The following ARHGEF9 variants were observed in gnomAD, a reference collection of about 807,000 sequenced individuals.
ARHGEF9 encodes the protein rho guanine nucleotide exchange factor 9.
Under a neutral mutation model 41.3 loss-of-function variants are expected in ARHGEF9, and 2 were observed. The observed-to-expected ratio is 0.05, with a 90% confidence interval of 0.02 to 0.15. The LOEUF (loss-of-function observed/expected upper bound fraction) is 0.15, where lower values mean the gene tolerates loss of function less well. ARHGEF9 is among the 10% of genes least tolerant of loss of function. The pLI, the probability that ARHGEF9 is intolerant of heterozygous loss-of-function variation, is 1.00. For synonymous variants in ARHGEF9, 160 were observed against 154.4 expected, an observed-to-expected ratio of 1.04 and a Z score of -0.27; for missense variants, 225 against 424.7, an observed-to-expected ratio of 0.53 and a Z score of 4.13.
intron 1 of ARHGEF9, among the ~76,000 whole-genome samples, chrX:63,756,914 C>A (rs1203179680): frequency 1.8e-5 from 2 of 111,783 alleles, no homozygotes; most frequent in African/African-American, 6.5e-5. Context: ...AAAACTGAAA[C>A]CTCTTGTGAA....
At chrX:63,713,267 A>G (rs2053063893) in intron 2 of ARHGEF9, among the ~76,000 whole-genome samples, 1 of 111,101 alleles carries the variant, frequency 9.0e-6, no homozygotes, top group African/African-American at 3.3e-5. Flanking sequence ...TCTCAGAGCT[A>G]TAGAATCAGT....
intron 1 of ARHGEF9, among the ~76,000 whole-genome samples, chrX:63,781,850 A>G (rs2056386820): frequency 1.8e-5 from 2 of 111,960 alleles, no homozygotes; most frequent in South Asian, 3.8e-4. Flanking sequence ...TATCCCAAGG[A>G]CATTGGCCTC....
At chrX:63,693,753 C>T (rs1303187894) in intron 4 of ARHGEF9, among the ~76,000 whole-genome samples, 1 of 110,436 alleles carries the variant, frequency 9.1e-6, no homozygotes, top group Non-Finnish European at 1.9e-5. Flanking sequence ...AGACACTTCA[C>T]CAGTTTTTAT....
Position 63,674,456 on chromosome X carries a change from G to A in ARHGEF9, c.816-289C>T, listed in dbSNP as rs1455579799. Among the ~76,000 whole-genome samples, 3 of 112,380 alleles carry A rather than the reference G, an allele frequency of 2.7e-5. No individual in the cohort carries two copies. In the East Asian group the frequency reaches 8.4e-4, roughly 31 times the overall value. On this transcript the variant is annotated intron_variant, in intron 5 of 9. Transcript: ENST00000671741. ...ATGGCTTTTCAGTCAACAGGGACAG[G>A]TTGATTTTAAATAAACCTGAGAGGA...
chrX:63,649,113 T>C (rs1161881015), intron 8 of ARHGEF9, among the ~76,000 whole-genome samples: 1 of 111,675 alleles, frequency 9.0e-6, no homozygotes, highest in Non-Finnish European at 1.9e-5. Context: ...AATAGACATC[T>C]ACAGAACTCT....
intron 2 of ARHGEF9, among the ~76,000 whole-genome samples, chrX:63,716,855 C>T (rs1184559360): frequency 3.6e-5 from 4 of 112,010 alleles, no homozygotes; most frequent in Non-Finnish European, 7.5e-5. Flanking sequence ...GGAAAGTGAA[C>T]CTCTAGGACC....
At chrX:63,760,106 T>A (rs1409060635) in intron 1 of ARHGEF9, among the ~76,000 whole-genome samples, 7 of 110,035 alleles carry the variant, frequency 6.4e-5, no homozygotes, top group Non-Finnish European at 1.1e-4. Context: ...AAAAAAAAAA[T>A]TCCTGGTTGT....
chrX:63,784,356 G>A (rs1285568110), intron 1 of ARHGEF9, among the ~76,000 whole-genome samples: 22 of 112,478 alleles, frequency 2.0e-4, no homozygotes, highest in African/African-American at 7.1e-4. Context: ...GGTGGAGAAG[G>A]GAACACCATG....
chrX:63,759,595 GA>G (rs2055998045), intron 1 of ARHGEF9, among the ~76,000 whole-genome samples: 1 of 112,080 alleles, frequency 8.9e-6, no homozygotes, highest in South Asian at 3.7e-4. Flanking sequence ...CACTCCATGA[GA>G]GGGTCTGGGA....
Position 63,659,236 on chromosome X carries a change from G to A in ARHGEF9, c.1078-3499C>T, listed in dbSNP as rs782308384. 3.8e-3 allele frequency among the ~76,000 whole-genome samples: 427 copies of A among 112,094 alleles called. 1 individual carries two copies. Among genetic ancestry groups the A allele is most frequent in the Non-Finnish European group, 7.0e-3 (371 of 53,205 alleles). On this transcript the variant is annotated intron_variant, in intron 7 of 9. Coordinates refer to ENST00000671741, the MANE Select transcript of ARHGEF9 (RefSeq NM_001353921.2). ...TGGTTGTCCTCTGCACATGGCAAGG[G>A]GACAAAGTCCTCTTGAACCCTGGTT...
chrX:63,636,821 C>T lies in ARHGEF9; in HGVS notation c.*1207G>A, dbSNP rs2047333150. On this transcript the variant is annotated 3_prime_UTR_variant, in exon 10 of 10. Coordinates refer to ENST00000671741, the MANE Select transcript of ARHGEF9 (RefSeq NM_001353921.2). ...GTAAAAGGTTACTATCAGACTTGGA[C>T]CCTGTCCAGGTCAATAATTTGAAGG... 1 of 295,536 alleles carries T rather than the reference C, an allele frequency of 3.4e-6. No individual in the cohort carries two copies. Among genetic ancestry groups the T allele is most frequent in the African/African-American group, 2.8e-5 (1 of 36,358 alleles). 24.4% of individuals were successfully genotyped at this position (295,536 alleles called of 1,213,427 possible). A position where few individuals can be genotyped will look rare whatever the true frequency, so the allele number is the denominator to read the frequency against.
At chrX:63,700,472 G>A (rs190316489) in intron 3 of ARHGEF9, among the ~76,000 whole-genome samples, 16 of 111,965 alleles carry the variant, frequency 1.4e-4, no homozygotes, top group Non-Finnish European at 2.1e-4. Flanking sequence ...TTGAAGGTAT[G>A]TAAGTTTAAA....
intron 1 of ARHGEF9, among the ~76,000 whole-genome samples, chrX:63,735,931 A>AAG (rs2054593530): frequency 1.8e-5 from 2 of 112,155 alleles, no homozygotes; most frequent in African/African-American, 6.5e-5. Flanking sequence ...GAGAAAAGAC[A>AAG]TCCAGCCAAG....
At chrX:63,639,117 TC>T (rs1430496727) in intron 9 of ARHGEF9, among the ~76,000 whole-genome samples, 1 of 111,764 alleles carries the variant, frequency 8.9e-6, no homozygotes, top group Non-Finnish European at 1.9e-5. Flanking sequence ...CCAAATACCT[TC>T]CTCATCTGCT....
chrX:63,659,023 C>T (rs1182501853), intron 7 of ARHGEF9, among the ~76,000 whole-genome samples: 2 of 112,532 alleles, frequency 1.8e-5, no homozygotes, highest in Non-Finnish European at 3.8e-5. Context: ...GGCTCCCCTT[C>T]TCCAAATTCT....
intron 2 of ARHGEF9, among the ~76,000 whole-genome samples, chrX:63,707,883 C>T (rs1214966868): frequency 5.4e-5 from 6 of 111,501 alleles, no homozygotes; most frequent in Admixed American, 9.5e-5. Flanking sequence ...ATGTCACCAG[C>T]GTATATCTCA....
At chrX:63,692,976 G>A (rs1479616609) in intron 4 of ARHGEF9, among the ~76,000 whole-genome samples, 1 of 111,834 alleles carries the variant, frequency 8.9e-6, no homozygotes, top group Non-Finnish European at 1.9e-5. Flanking sequence ...AATATCATAT[G>A]TTTTCACTCA....
intron 1 of ARHGEF9, among the ~76,000 whole-genome samples, chrX:63,740,765 T>C (rs1556425885): frequency 8.9e-6 from 1 of 111,856 alleles, no homozygotes; most frequent in Non-Finnish European, 1.9e-5. Flanking sequence ...TCTAGGGCCC[T>C]GTCTTTCCAG....
intron 9 of ARHGEF9, chrX:63,641,262 G>T (rs782426953): frequency 9.4e-6 from 1 of 106,940 alleles, no homozygotes; most frequent in Non-Finnish European, 1.9e-5. Flanking sequence ...TGAGGCAGGA[G>T]AATCGCTTGA....
Sources: gnomAD v4.1 joint callset for allele counts (sites outside exome capture counted in the v4.1 genomes callset) on GRCh38, gnomAD v4.1.1 for gene constraint, MANE v1.5 for transcripts, NCBI Gene and HGNC (gene_info 2026-07-23, HGNC 2026-07-21) for gene names.